ZBTB25: variants seen among roughly 807,000 people sequenced by gnomAD.
ZBTB25 encodes the protein zinc finger and BTB domain containing 25.
ZBTB25 carries 20 observed loss-of-function variants against 34.2 expected under a neutral mutation model. The ratio of observed to expected loss-of-function variants is 0.58; its 90% CI spans 0.41 to 0.85. The LOEUF is 0.85. Among genes scored for constraint, ZBTB25 ranks in the 40% least tolerant of loss-of-function variants. The probability of loss-of-function intolerance (pLI) is 0.00; values close to 1 mark genes in which losing one functional copy is unlikely to be tolerated. For synonymous variants in ZBTB25, 175 were observed against 186.4 expected, an observed-to-expected ratio of 0.94 and a Z score of 0.50; for missense variants, 437 against 521.8, an observed-to-expected ratio of 0.84 and a Z score of 1.58.
At chr14:64,500,034 TAAC>T (rs1475093691) in intron 1 of ZBTB25, among the ~76,000 whole-genome samples, 1 of 151,934 alleles carries the variant, frequency 6.6e-6, no homozygotes, top group Non-Finnish European at 1.5e-5. Flanking sequence ...ACAAGAATAC[TAAC>T]AACAGTAAGC....
At chr14:64,449,260 A>T (rs2078333734) in exon 3 of ZBTB25, 1 of 672,474 alleles carries the variant, frequency 1.5e-6, no homozygotes, top group South Asian at 1.6e-5. Flanking sequence ...GCACATAAAG[A>T]TTAGGTAACT....
intron 2 of ZBTB25, among the ~76,000 whole-genome samples, chr14:64,454,279 ATTTTTGTGT>A (rs1300759378): frequency 6.6e-6 from 1 of 151,904 alleles, no homozygotes; most frequent in Non-Finnish European, 1.5e-5. Flanking sequence ...CACCTGGCTA[ATTTTTGTGT>A]TTTTTGTTGA....
intron 1 of ZBTB25, among the ~76,000 whole-genome samples, chr14:64,495,961 G>GAAAA (rs529836297): frequency 7.2e-6 from 1 of 139,438 alleles, no homozygotes; most frequent in Non-Finnish European, 1.6e-5. Context: ...ATCTCAAAAG[G>GAAAA]AAAAAAAAAA....
rs778726208 is a variant in ZBTB25, at chr14:64,486,890, A to T, written c.*33T>A. 96 of 1,528,142 alleles carry T rather than the reference A, an allele frequency of 6.3e-5. No individual in the cohort carries two copies. Among genetic ancestry groups the T allele is most frequent in the Non-Finnish European group, 8.1e-5 (92 of 1,139,386 alleles). 94.7% of individuals were successfully genotyped at this position (1,528,142 alleles called of 1,614,324 possible). Reference sequence around the variant, plus strand: ...AAATGCCACGCAAATTTTCTTTTTCAGAATTGGTATAAAAATTCTGAAAGA... The same window carrying T: ...AAATGCCACGCAAATTTTCTTTTTCTGAATTGGTATAAAAATTCTGAAAGA... On this transcript the variant is annotated 3_prime_UTR_variant, in exon 3 of 3. Transcript: ENST00000608382.
intron 2 of ZBTB25, among the ~76,000 whole-genome samples, chr14:64,465,108 T>C (rs2078596261): frequency 6.6e-6 from 1 of 152,238 alleles, no homozygotes; most frequent in Admixed American, 6.5e-5. Context: ...TGTCTTTAAA[T>C]ATTCTGAGGG....
rs2078828760 is a variant in ZBTB25 at position 64,483,920 on chromosome 14, G to C, written c.*3003C>G. 7.9e-6 allele frequency: 1 copy of C among 126,446 alleles called. No individual in the cohort carries two copies. Among genetic ancestry groups the C allele is most frequent in the Non-Finnish European group, 1.6e-5 (1 of 64,030 alleles). The allele number at this position is 126,446 out of a possible 1,614,324, so 7.8% of individuals were successfully genotyped here. On this transcript the variant is annotated 3_prime_UTR_variant, in exon 3 of 3. Transcript: ENST00000608382. The stretch of plus-strand genomic sequence containing the variant: ...GATTGCACCACTGCACTCCAGCCTG[G>C]CGACACAGCACGACTGTCTCAAAAA...
At chr14:64,504,785 C>T (rs550792234), upstream of ZBTB25, 1 of 381,670 alleles carries the variant, frequency 2.6e-6, no homozygotes, top group Admixed American at 4.5e-5. Flanking sequence ...AGCACAGTCC[C>T]TGGCAGAGCC....
intron 2 of ZBTB25, chr14:64,469,225 GGAA>G (rs1254904372): frequency 1.2e-6 from 2 of 1,613,840 alleles, no homozygotes; most frequent in Non-Finnish European, 1.7e-6. Context: ...AACAAATTGT[GGAA>G]GAAGCCAGTA....
chr14:64,473,201 G>A (rs1259338626), downstream of ZBTB25: 2 of 167,044 alleles, frequency 1.2e-5, no homozygotes, highest in East Asian at 3.9e-4. Flanking sequence ...ATAGTACCCG[G>A]TAACATTTAA....
At chr14:64,500,064 C>T (rs1378920065) in intron 1 of ZBTB25, among the ~76,000 whole-genome samples, 1 of 151,788 alleles carries the variant, frequency 6.6e-6, no homozygotes. Flanking sequence ...TGTTAATAGA[C>T]CTTTAAAAAA....
chr14:64,490,411 C>G lies in ZBTB25; in HGVS notation c.123G>C (p.Val41=). Residue 41 remains valine (V), a synonymous_variant, in exon 2 of 3, where the codon GTG becomes GTC. Coordinates refer to ENST00000608382, the MANE Select transcript of ZBTB25 (RefSeq NM_006977.5). The part of the protein sequence containing the change: ...GDVYFKAHRA[V]LAAFSNYFKM... Reference sequence around the variant, plus strand: ...TGAAATAGTTAGAAAAAGCAGCAAGCACTGCTCTGTGGGCTTTGAAGTAAA... The same window carrying G: ...TGAAATAGTTAGAAAAAGCAGCAAGGACTGCTCTGTGGGCTTTGAAGTAAA... 1 of 1,611,628 alleles carries G rather than the reference C, an allele frequency of 6.2e-7. No individual in the cohort carries two copies. The highest frequency in any genetic ancestry group is 8.5e-7 in the Non-Finnish European group (1 of 1,178,476).
chr14:64,457,015 A>C (rs1261093281), intron 2 of ZBTB25, among the ~76,000 whole-genome samples: 1 of 152,216 alleles, frequency 6.6e-6, no homozygotes, highest in African/African-American at 2.4e-5. Context: ...TCTAAGTAGA[A>C]ATTTGTCAAA....
intron 1 of ZBTB25, among the ~76,000 whole-genome samples, chr14:64,498,876 C>T (rs111611584): frequency 0.022 from 3,400 of 152,084 alleles, 46 homozygotes; most frequent in Middle Eastern, 0.054. Context: ...CCTCATGATC[C>T]ACCCGCCTCG....
rs918262021 is a variant in ZBTB25, at chr14:64,486,325, A to G, written c.*598T>C. The G allele has an allele frequency of 1.5e-5, 15 of 985,264 alleles. No homozygotes were observed. The African/African-American group carries it at 2.4e-4, about 16-fold the overall frequency. The allele number at this position is 985,264 out of a possible 1,614,324, so 61.0% of individuals were successfully genotyped here. On this transcript the variant is annotated 3_prime_UTR_variant, in exon 3 of 3. Transcript: ENST00000608382. Reference sequence around the variant, plus strand: ...TCAAAAAAAAAAAGAGGTATACTCAATGTTAAAAAGTAAAGAGAAGCCATG... The same window carrying G: ...TCAAAAAAAAAAAGAGGTATACTCAGTGTTAAAAAGTAAAGAGAAGCCATG...
At chr14:64,505,120 T>G, upstream of ZBTB25, 1 of 346,236 alleles carries the variant, frequency 2.9e-6, no homozygotes, top group Non-Finnish European at 5.2e-6. Context: ...GGCCGCCTGC[T>G]TGTTGCCGGC....
chr14:64,456,971 C>A (rs61241503), intron 2 of ZBTB25, among the ~76,000 whole-genome samples: 28 of 152,222 alleles, frequency 1.8e-4, no homozygotes, highest in African/African-American at 6.5e-4. Flanking sequence ...TAAAAATATA[C>A]GGAGTTTTCA....
chr14:64,449,276 A>C, exon 3 of ZBTB25: 6 of 738,378 alleles, frequency 8.1e-6, no homozygotes. Flanking sequence ...TAACTGGCCA[A>C]AAGTCACCAG....
In ZBTB25 at chr14:64,480,905, G is replaced by T. The variant is rs1445679154; in HGVS notation, c.*6018C>A. The T allele has an allele frequency of 1.3e-5, 2 of 149,916 alleles. No homozygotes were observed. Among genetic ancestry groups the T allele is most frequent in the African/African-American group, 4.9e-5 (2 of 40,504 alleles). 9.3% of individuals were successfully genotyped at this position (149,916 alleles called of 1,614,324 possible). A position where few individuals can be genotyped will look rare whatever the true frequency, so the allele number is the denominator to read the frequency against. On this transcript the variant is annotated 3_prime_UTR_variant, in exon 3 of 3. Transcript: ENST00000608382. Reference sequence around the variant, plus strand: ...TCCGCCCGCCTTGGCCTCCCAAAGTGCTGGGATTACAGGTGTGAGCCACCA... The same window carrying T: ...TCCGCCCGCCTTGGCCTCCCAAAGTTCTGGGATTACAGGTGTGAGCCACCA...
In ZBTB25 at chr14:64,482,790, T is replaced by G. The variant is rs1054183110; in HGVS notation, c.*4133A>C. 1 of 152,306 alleles carries G rather than the reference T, an allele frequency of 6.6e-6. No homozygotes were observed. The highest frequency in any genetic ancestry group is 6.5e-5 in the Admixed American group (1 of 15,288). 9.4% of individuals were successfully genotyped at this position (152,306 alleles called of 1,614,324 possible). On this transcript the variant is annotated 3_prime_UTR_variant, in exon 3 of 3. Coordinates refer to ENST00000608382, the MANE Select transcript of ZBTB25 (RefSeq NM_006977.5). ...AGGCTGAAATACTAAAGTTAATAGG[T>G]CTAGCTACAGAATAAATGTCGTTTA... is the stretch of plus-strand genomic sequence containing the variant.
Sources: gnomAD v4.1 joint callset for allele counts (sites outside exome capture counted in the v4.1 genomes callset) on GRCh38, gnomAD v4.1.1 for gene constraint, MANE v1.5 for transcripts, NCBI Gene and HGNC (gene_info 2026-07-23, HGNC 2026-07-21) for gene names.